GLT1D1: variants seen among roughly 807,000 people sequenced by gnomAD.
GLT1D1 encodes glycosyltransferase 1 domain-containing protein 1.
A neutral mutation model predicts 28.7 loss-of-function variants in GLT1D1; 21 were observed. That is an observed-to-expected ratio of 0.73 (90% CI 0.52 to 1.05). The LOEUF (loss-of-function observed/expected upper bound fraction) is 1.05, where lower values mean the gene tolerates loss of function less well. Ranked by LOEUF, GLT1D1 falls within the 50% of genes least tolerant of loss-of-function variation. The pLI is 0.00. For missense variants in GLT1D1, 343 were observed against 330.6 expected, an observed-to-expected ratio of 1.04 and a Z score of -0.29; for synonymous variants, 147 against 124.8, an observed-to-expected ratio of 1.18 and a Z score of -1.19.
chr12:128,927,223 ACAAT>A, intron 4 of GLT1D1, 69 bp downstream of exon 8: 4 of 1,200,994 alleles, frequency 3.3e-6, no homozygotes, highest in African/African-American at 1.5e-5. Flanking sequence ...TGTATTTTCT[ACAAT>A]CAGTTTACAT....
chr12:128,920,037 T>C (rs557100492), intron 4 of GLT1D1, among the ~76,000 whole-genome samples: 4 of 150,912 alleles, frequency 2.7e-5, no homozygotes, highest in African/African-American at 9.7e-5. Context: ...TATTTGTATT[T>C]CTATAATGGA....
chr12:128,963,946 T>G (rs758236804), intron 7 of GLT1D1, among the ~76,000 whole-genome samples: 2 of 152,200 alleles, frequency 1.3e-5, no homozygotes, highest in Non-Finnish European at 2.9e-5. Context: ...AGTAACAGAA[T>G]ACTATAGACT....
At chr12:128,928,184 TGGCAC>T (rs1873479642) in intron 4 of GLT1D1, among the ~76,000 whole-genome samples, 1 of 152,076 alleles carries the variant, frequency 6.6e-6, no homozygotes, top group Non-Finnish European at 1.5e-5. Context: ...TCAACAAACT[TGGCAC>T]GGTTCCTTCC....
intron 4 of GLT1D1, 23 bp from the exon 7 acceptor site, chr12:128,926,336 C>T: frequency 7.7e-7 from 1 of 1,301,914 alleles, no homozygotes; most frequent in Non-Finnish European, 1.1e-6. Context: ...CCACTGAAAA[C>T]ATTCTGAACT....
In GLT1D1 at chr12:128,901,738, C is replaced by CT. The variant is rs993815830; in HGVS notation, c.375+2460dup. Among the ~76,000 whole-genome samples, 6 of 150,298 alleles carry CT rather than the reference C, an allele frequency of 4.0e-5. No homozygotes were observed. In the East Asian group the frequency reaches 5.8e-4, roughly 15 times the overall value. On this transcript the variant is annotated intron_variant, in intron 4 of 7. Coordinates refer to ENST00000281703, the MANE Select transcript of GLT1D1 (RefSeq NM_144669.3). ...GCGTGAGCCACCATGCCTGGTCCCT[C>CT]TTTTTTTTTATTATTATTATTTTTT...
Position 128,875,802 on chromosome 12 carries a change from A to G in GLT1D1, c.69-112A>G, listed in dbSNP as rs937935781. Reference sequence around the variant, plus strand: ...GCAACATGAGTGAAACTCTGTCTCAACAACAACAACAACAACAACCAAAAA... The same window carrying G: ...GCAACATGAGTGAAACTCTGTCTCAGCAACAACAACAACAACAACCAAAAA... On this transcript the variant is annotated intron_variant, in intron 1 of 7. Transcript: ENST00000281703. The G allele has an allele frequency of 5.3e-6, 5 of 939,632 alleles. No individual in the cohort carries two copies. The African/African-American group carries it at 8.4e-5, about 16-fold the overall frequency. The allele number at this position is 939,632 out of a possible 1,614,324, so 58.2% of individuals were successfully genotyped here.
At chr12:128,920,632 G>C (rs987324548) in intron 4 of GLT1D1, among the ~76,000 whole-genome samples, 3 of 152,214 alleles carry the variant, frequency 2.0e-5, no homozygotes, top group Non-Finnish European at 4.4e-5. Flanking sequence ...GACTGCCTCA[G>C]CGTGGATTGG....
chr12:128,893,854 G>A (rs538387259), intron 3 of GLT1D1, among the ~76,000 whole-genome samples: 1 of 152,068 alleles, frequency 6.6e-6, no homozygotes, highest in Non-Finnish European at 1.5e-5. Context: ...CAAAGTGTTG[G>A]GATTACAGGT....
chr12:128,866,844 C>G (rs1009522752), intron 1 of GLT1D1, among the ~76,000 whole-genome samples: 2 of 151,654 alleles, frequency 1.3e-5, no homozygotes, highest in African/African-American at 4.8e-5. Flanking sequence ...TGGTCTTGAA[C>G]TCCTGACCTC....
At position 128,915,089 on chromosome 12, in the gene GLT1D1, C is replaced by A. The variant is rs1871968627; in HGVS notation, c.375+15802C>A. The A allele has an allele frequency of 5.5e-6, 5 of 909,372 alleles. No homozygotes were observed. In the East Asian group the frequency reaches 8.0e-5, roughly 15 times the overall value. 56.3% of individuals were successfully genotyped at this position (909,372 alleles called of 1,614,324 possible). A position where few individuals can be genotyped will look rare whatever the true frequency, so the allele number is the denominator to read the frequency against. ...CATGCGGTTTTGAAAAAGTGGTTGT[C>A]AGAGAGAACAAGGTTCATTTCCCTC... On this transcript the variant is annotated intron_variant, in intron 4 of 7. Transcript: ENST00000281703.
intron 5 of GLT1D1, among the ~76,000 whole-genome samples, chr12:128,946,251 G>A (rs1011177612): frequency 6.6e-6 from 1 of 152,174 alleles, no homozygotes; most frequent in Non-Finnish European, 1.5e-5. Context: ...AATAGAACAA[G>A]GCAAAATGTC....
rs1555257591 is a variant in GLT1D1, at chr12:128,855,241, A to AC, written c.68+1592_68+1593insC. Among the ~76,000 whole-genome samples, 1,294 of 139,634 alleles carry AC rather than the reference A, an allele frequency of 9.3e-3. 30 individuals are homozygous for AC. The highest frequency in any genetic ancestry group is 0.03 in the African/African-American group (1,105 of 36,628). 91.6% of individuals were successfully genotyped at this position (139,634 alleles called of 152,430 possible). A position where few individuals can be genotyped will look rare whatever the true frequency, so the allele number is the denominator to read the frequency against. ...CTCCATCTAAAAAAAAAAAAAAAAA[A>AC]AACAACAACAACAACAAAAAAAACA... On this transcript the variant is annotated intron_variant, in intron 1 of 7. Transcript: ENST00000281703.
intron 4 of GLT1D1, among the ~76,000 whole-genome samples, chr12:128,931,410 C>T (rs1237224611): frequency 6.6e-6 from 1 of 151,662 alleles, no homozygotes; most frequent in African/African-American, 2.4e-5. Flanking sequence ...TGGGTTCAAG[C>T]GACTCTCCTG....
At chr12:128,874,947 A>G (rs1417410415) in intron 1 of GLT1D1, among the ~76,000 whole-genome samples, 2 of 152,044 alleles carry the variant, frequency 1.3e-5, no homozygotes, top group African/African-American at 4.8e-5. Context: ...TGTTGTCACT[A>G]TTGAAAAAAT....
intron 2 of GLT1D1, among the ~76,000 whole-genome samples, chr12:128,880,623 C>T (rs1766047843): frequency 6.6e-6 from 1 of 152,066 alleles, no homozygotes; most frequent in South Asian, 2.1e-4. Flanking sequence ...ATTGAGTTGC[C>T]CTACCCTGTC....
intron 7 of GLT1D1, among the ~76,000 whole-genome samples, 161 bp from the exon 12 acceptor site, chr12:128,982,768 T>A (rs1261732514): frequency 6.6e-6 from 1 of 152,120 alleles, no homozygotes; most frequent in East Asian, 1.9e-4. Context: ...TCAGTCTCAG[T>A]GTTTGCATTA....
chr12:128,953,591 G>A (rs938773535), intron 6 of GLT1D1, among the ~76,000 whole-genome samples: 1 of 152,110 alleles, frequency 6.6e-6, no homozygotes, highest in Non-Finnish European at 1.5e-5. Context: ...GACTTAACTT[G>A]TGTATTTCTC....
rs191476315 is a variant in GLT1D1, at chr12:128,895,672, G to A, written c.324-3564G>A. Among the ~76,000 whole-genome samples, 7 of 152,050 alleles carry A rather than the reference G, an allele frequency of 4.6e-5. No individual in the cohort carries two copies. In the East Asian group the frequency reaches 9.7e-4, roughly 21 times the overall value. ...GGGTTTCTCAATGTTGGTCAGGCTG[G>A]TCTCTCAAACTCCTAACCTCAGGTG... On this transcript the variant is annotated intron_variant, in intron 3 of 7. Transcript: ENST00000281703.
rs1037679835 is a variant in GLT1D1 at position 128,939,842 on chromosome 12, C to CG, written c.376-5484_376-5483insG. On this transcript the variant is annotated intron_variant, in intron 4 of 7. Transcript: ENST00000281703. ...ATGTTGCCAAATTGTTAGAAACCCCCCCCCACCGCCGATCCAATCACCTCC... is the reference window on the plus strand; with the variant it reads ...ATGTTGCCAAATTGTTAGAAACCCCCGCCCCACCGCCGATCCAATCACCTCC... 1.2e-4 allele frequency among the ~76,000 whole-genome samples: 17 copies of CG among 144,800 alleles called. 1 individual carries two copies. The highest frequency in any genetic ancestry group is 4.0e-4 in the African/African-American group (15 of 37,690). The allele number at this position is 144,800 out of a possible 152,430, so 95.0% of individuals were successfully genotyped here. A position where few individuals can be genotyped will look rare whatever the true frequency, so the allele number is the denominator to read the frequency against.
Sources: allele counts gnomAD v4.1 joint callset (sites outside exome capture counted in the v4.1 genomes callset), GRCh38; gene constraint gnomAD v4.1.1; transcripts MANE v1.5; gene names NCBI Gene and HGNC (gene_info 2026-07-23, HGNC 2026-07-21).